The following ARL15 variants were observed in gnomAD, a reference collection of about 807,000 sequenced individuals.
ARL15 encodes ADP-ribosylation factor-like protein 15.
Under a neutral mutation model 25.2 loss-of-function variants are expected in ARL15, and 19 were observed. The ratio of observed to expected loss-of-function variants is 0.75; its 90% CI spans 0.53 to 1.10. The LOEUF is 1.10. ARL15 is among the 50% of genes least tolerant of loss of function. The probability of loss-of-function intolerance (pLI) is 0.00; values close to 1 mark genes in which losing one functional copy is unlikely to be tolerated. For missense variants in ARL15, 220 were observed against 246.0 expected, an observed-to-expected ratio of 0.89 and a Z score of 0.71; for synonymous variants, 94 against 86.8, an observed-to-expected ratio of 1.08 and a Z score of -0.46.
intron 3 of ARL15, among the ~76,000 whole-genome samples, chr5:54,139,469 C>T (rs368414711): frequency 8.6e-5 from 13 of 152,034 alleles, no homozygotes; most frequent in African/African-American, 3.1e-4. Context: ...GCTATGGGTA[C>T]GCAAAGGCAT....
rs555151049 is a variant in ARL15 at position 53,964,750 on chromosome 5, T to C, written c.463-78037A>G. On this transcript the variant is annotated intron_variant, in intron 4 of 4. Coordinates refer to ENST00000504924, the MANE Select transcript of ARL15 (RefSeq NM_019087.3). The stretch of plus-strand genomic sequence containing the variant: ...ATTTTCGTATTCTTCTAATCTTACT[T>C]CTTCCTAATGTAGAAATACTTTCTA... 2.0e-5 allele frequency among the ~76,000 whole-genome samples: 3 copies of C among 152,328 alleles called. No individual in the cohort carries two copies. In the South Asian group the frequency reaches 6.2e-4, roughly 32 times the overall value.
intron 4 of ARL15, among the ~76,000 whole-genome samples, chr5:54,041,350 G>A (rs917216599): frequency 2.2e-4 from 34 of 152,220 alleles, no homozygotes; most frequent in Admixed American, 2.0e-3. Flanking sequence ...TGGTTCTTTT[G>A]TCTTTCTGAA....
At chr5:54,183,292 T>G in intron 1 of ARL15, among the ~76,000 whole-genome samples, 1 of 111,248 alleles carries the variant, frequency 9.0e-6, no homozygotes, top group South Asian at 3.3e-4. Context: ...GGGTTTGTCA[T>G]AGATAGCTCT....
intron 4 of ARL15, among the ~76,000 whole-genome samples, chr5:53,994,708 C>T (rs1685611578): frequency 6.6e-6 from 1 of 152,194 alleles, no homozygotes; most frequent in Non-Finnish European, 1.5e-5. Flanking sequence ...CTGCAACTCA[C>T]ATCTAAATGT....
At position 54,014,220 on chromosome 5, in the gene ARL15, T is replaced by C. The variant is rs1265418488; in HGVS notation, c.462+98982A>G. On this transcript the variant is annotated intron_variant, in intron 4 of 4. Coordinates refer to ENST00000504924, the MANE Select transcript of ARL15 (RefSeq NM_019087.3). ...ACACTACTCCCTGGTATAATGAGTA[T>C]TTTGAATTAAAGGCTCTTGGAGAAC... 3.3e-5 allele frequency among the ~76,000 whole-genome samples: 5 copies of C among 152,162 alleles called. No individual in the cohort carries two copies. The South Asian group carries it at 6.2e-4, about 19-fold the overall frequency.
chr5:54,150,807 T>C (rs369321382), intron 3 of ARL15, among the ~76,000 whole-genome samples: 1 of 68,686 alleles, frequency 1.5e-5, no homozygotes, highest in Non-Finnish European at 3.1e-5. Context: ...CAAAAATAAA[T>C]AAATAAAAAA....
chr5:54,138,480 A>C (rs1443914697), intron 3 of ARL15, among the ~76,000 whole-genome samples: 4 of 152,142 alleles, frequency 2.6e-5, no homozygotes, highest in African/African-American at 9.7e-5. Flanking sequence ...GTAGAAGAAC[A>C]AAACTGGATC....
Position 54,062,442 on chromosome 5 carries a change from T to C in ARL15, c.462+50760A>G, listed in dbSNP as rs139215651. ...GTGGGAGAGACCCGGTGGGAGGCGA[T>C]TGAATTATGAAGGCCAGTCTTTCCT... is the stretch of plus-strand genomic sequence containing the variant. On this transcript the variant is annotated intron_variant, in intron 4 of 4. Transcript: ENST00000504924. Among the ~76,000 whole-genome samples the C allele has an allele frequency of 1.3e-3, 192 of 151,434 alleles. 1 individual carries two copies. The highest frequency in any genetic ancestry group is 4.5e-3 in the African/African-American group (187 of 41,222).
At chr5:54,140,588 T>G (rs1304727190) in intron 3 of ARL15, among the ~76,000 whole-genome samples, 1 of 152,116 alleles carries the variant, frequency 6.6e-6, no homozygotes, top group East Asian at 1.9e-4. Context: ...AAGTACAGAG[T>G]GGGAAAACAT....
chr5:53,951,230 AT>A (rs2112116689), intron 4 of ARL15, among the ~76,000 whole-genome samples: 1 of 152,346 alleles, frequency 6.6e-6, no homozygotes, highest in East Asian at 1.9e-4. Context: ...CAAAGCCTAT[AT>A]TTACAATCTG....
chr5:54,310,554 C>T lies in ARL15; in HGVS notation c.-75G>A. ...AGCGTCTCTGGCTGCGAGCGAGCAG[C>T]TCCTGAAAAAGCCAGCAACAGCGAA... On this transcript the variant is annotated 5_prime_UTR_variant, in exon 1 of 5. Coordinates refer to ENST00000504924, the MANE Select transcript of ARL15 (RefSeq NM_019087.3). 6.6e-7 allele frequency: 1 copy of T among 1,510,362 alleles called. No individual in the cohort carries two copies. The highest frequency in any genetic ancestry group is 1.4e-5 in the African/African-American group (1 of 71,164). The allele number at this position is 1,510,362 out of a possible 1,614,324, so 93.6% of individuals were successfully genotyped here.
intron 4 of ARL15, among the ~76,000 whole-genome samples, chr5:54,056,864 C>G (rs570326096): frequency 6.6e-6 from 1 of 151,866 alleles, no homozygotes; most frequent in African/African-American, 2.4e-5. Flanking sequence ...CCTGAGTATA[C>G]GGGGGAGCAC....
rs1749224803 is a variant in ARL15, at chr5:54,011,024, C to G, written c.462+102178G>C. Among the ~76,000 whole-genome samples the G allele has an allele frequency of 2.6e-5, 4 of 151,376 alleles. No individual in the cohort carries two copies. In the South Asian group the frequency reaches 8.3e-4, roughly 32 times the overall value. ...CAAAAAAAAAAAAAAAAAATCAGCTCTCACAAAGACTGTGGAAGAAGTCCT... is the reference window on the plus strand; with the variant it reads ...CAAAAAAAAAAAAAAAAAATCAGCTGTCACAAAGACTGTGGAAGAAGTCCT... On this transcript the variant is annotated intron_variant, in intron 4 of 4. Transcript: ENST00000504924.
At chr5:54,245,520 T>C (rs1757064858) in intron 1 of ARL15, among the ~76,000 whole-genome samples, 1 of 152,150 alleles carries the variant, frequency 6.6e-6, no homozygotes. Flanking sequence ...CTGGCTATGA[T>C]GTAACTTCAG....
intron 4 of ARL15, among the ~76,000 whole-genome samples, chr5:54,052,811 C>A (rs1000627625): frequency 1.3e-5 from 2 of 151,928 alleles, no homozygotes; most frequent in African/African-American, 4.8e-5. Context: ...GCAATAATAC[C>A]CCAGTGGCAC....
At chr5:54,028,986 TACATTGCACCCAA>T (rs1749876443) in intron 4 of ARL15, among the ~76,000 whole-genome samples, 1 of 151,716 alleles carries the variant, frequency 6.6e-6, no homozygotes, top group Non-Finnish European at 1.5e-5. Context: ...CTATGAGGAC[TACATTGCACCCAA>T]GCCTGGGCAA....
At chr5:54,113,697 C>T (rs1752810254) in intron 3 of ARL15, among the ~76,000 whole-genome samples, 2 of 152,190 alleles carry the variant, frequency 1.3e-5, no homozygotes, top group Admixed American at 6.5e-5. Context: ...AGGATAAATA[C>T]TTCCTAGACT....
At chr5:54,280,531 G>C (rs1382817095) in intron 1 of ARL15, among the ~76,000 whole-genome samples, 3 of 152,188 alleles carry the variant, frequency 2.0e-5, no homozygotes, top group Admixed American at 6.5e-5. Context: ...CATTTGCCAA[G>C]TACCAGACGT....
intron 1 of ARL15, chr5:54,282,481 C>T (rs1459811796): frequency 1.0e-6 from 1 of 985,244 alleles, no homozygotes; most frequent in Admixed American, 6.2e-5. Context: ...CGTCTGTTTT[C>T]TAGGCTAGCT....
Sources: allele counts gnomAD v4.1 joint callset (sites outside exome capture counted in the v4.1 genomes callset), GRCh38; gene constraint gnomAD v4.1.1; transcripts MANE v1.5; gene names NCBI Gene and HGNC (gene_info 2026-07-23, HGNC 2026-07-21).